Variants in HEXIM1 observed in about 807,000 individuals in gnomAD.
HEXIM1 encodes the protein HEXIM P-TEFb complex subunit 1.
HEXIM1 carries 1 observed loss-of-function variant against 30.3 expected under a neutral mutation model. The observed-to-expected ratio is 0.03, with a 90% CI of 0.01 to 0.16. The LOEUF is 0.16. Among genes scored for constraint, HEXIM1 ranks in the 10% least tolerant of loss-of-function variants. The pLI is 1.00. For synonymous variants in HEXIM1, 245 were observed against 208.3 expected, an observed-to-expected ratio of 1.18 and a Z score of -1.52; for missense variants, 391 against 476.4, an observed-to-expected ratio of 0.82 and a Z score of 1.67.
chr17:45,149,889 C>G lies in HEXIM1; in HGVS notation c.699C>G (p.Ser233=), dbSNP rs2055534227. 1.2e-6 allele frequency: 2 copies of G among 1,613,656 alleles called. No individual in the cohort carries two copies. Among genetic ancestry groups the G allele is most frequent in the East Asian group, 4.5e-5 (2 of 44,874 alleles). The change falls in exon 1 of 1, where the codon TCC becomes TCG. Residue 233 remains serine, a synonymous_variant. Transcript: ENST00000332499. This position sits in a 1 kb window ranked among gnomAD's most constrained non-coding sequence, Gnocchi z 5.3. ...ACTCCAAGCGGGCCGCCGCCAAATC[C>G]GACGACACCAGCGATGACGACTTCA... ...GLYSKRAAAK[S]DDTSDDDFME... is the part of the protein sequence containing the mutation.
rs146567854 is a variant in HEXIM1, at chr17:45,149,796, C to G, written c.606C>G (p.Pro202=). Residue 202 remains proline, a synonymous_variant, in exon 1 of 1, where the codon CCC becomes CCG. Transcript: ENST00000332499. This position sits in a 1 kb window ranked among gnomAD's most constrained non-coding sequence, Gnocchi z 5.3. ...TCGCCAAGGGCCAGCCGGTCGCGCC[C>G]TATAACACCACGCAGTTCCTCATGG... ...EMFAKGQPVA[P]YNTTQFLMDD... 1.9e-4 allele frequency: 311 copies of G among 1,613,900 alleles called. No individual in the cohort carries two copies. The African/African-American group carries it at 3.6e-3, about 18-fold the overall frequency.
Position 45,149,255 on chromosome 17 carries a change from C to G in HEXIM1, c.65C>G (p.Ala22Gly). The G allele has an allele frequency of 6.2e-7, 1 of 1,613,906 alleles. No individual in the cohort carries two copies. The highest frequency in any genetic ancestry group is 2.2e-5 in the East Asian group (1 of 44,878). ...CAAACTAGCAACTGTACAGGTGCTG[C>G]TGCTGTCCAGGAAGAGCTGAACCCT... ...QPQTSNCTGAAAVQEELNPER... is the reference protein window; with the variant it reads ...QPQTSNCTGAGAVQEELNPER... Residue 22 changes from alanine (A) to glycine (G), a missense_variant, in exon 1 of 1, where the codon GCT becomes GGT. Ala to Gly is a moderately conservative substitution (Grantham distance 60). Around this residue, in one of 5 missense-constraint regions of HEXIM1, gnomAD observed 230 missense variants for 199.4 expected, o/e 1.15. Transcript: ENST00000332499. The surrounding 1 kb of genome is among the most constrained non-coding windows in gnomAD (Gnocchi z 5.3).
rs2055548010 is a variant in HEXIM1, at chr17:45,151,619, G to A, written c.*1349G>A. ...GTTAACCCAGTCCTTCACCTGCCCT[G>A]TGTCAGTGTCTTCTGAGGGCAATTG... On this transcript the variant is annotated 3_prime_UTR_variant, in exon 1 of 1. Transcript: ENST00000332499. The A allele has an allele frequency of 6.0e-6, 1 of 167,112 alleles. No individual in the cohort carries two copies. The highest frequency in any genetic ancestry group is 2.4e-5 in the African/African-American group (1 of 41,458). 10.4% of individuals were successfully genotyped at this position (167,112 alleles called of 1,614,324 possible).
At position 45,149,943 on chromosome 17, in the gene HEXIM1, C is replaced by G. The variant is rs752095784; in HGVS notation, c.753C>G (p.Gly251=). The G allele has an allele frequency of 3.1e-6, 5 of 1,613,690 alleles. No individual in the cohort carries two copies. In the African/African-American group the frequency reaches 5.3e-5, roughly 17 times the overall value. The change falls in exon 1 of 1, where the codon GGC becomes GGG. Residue 251 remains glycine, a synonymous_variant. Transcript: ENST00000332499. The surrounding 1 kb of genome is among the most constrained non-coding windows in gnomAD (Gnocchi z 5.3). ...FMEEGGEEDG[G]SDGMGGDGSE... Reference sequence around the variant, plus strand: ...AAGAAGGGGGTGAGGAGGATGGGGGCAGCGATGGGATGGGAGGGGACGGCA... The same window carrying G: ...AAGAAGGGGGTGAGGAGGATGGGGGGAGCGATGGGATGGGAGGGGACGGCA...
In HEXIM1 at chr17:45,150,929, TAAAC is replaced by T. The variant is rs537120638; in HGVS notation, c.*664_*667del. Reference sequence around the variant, plus strand: ...GTTTTCTTTCTTGATGCTGGAAAAATAAACAAACCGGTATTGAGTGTTTAGGCGA... The same window carrying T: ...GTTTTCTTTCTTGATGCTGGAAAAATAAACCGGTATTGAGTGTTTAGGCGA... On this transcript the variant is annotated 3_prime_UTR_variant, in exon 1 of 1. Coordinates refer to ENST00000332499, the MANE Select transcript of HEXIM1 (RefSeq NM_006460.3). 143 of 167,108 alleles carry T rather than the reference TAAAC, an allele frequency of 8.6e-4. No individual in the cohort carries two copies. The highest frequency in any genetic ancestry group is 6.8e-3 in the Middle Eastern group (2 of 296). 10.4% of individuals were successfully genotyped at this position (167,108 alleles called of 1,614,324 possible).
chr17:45,150,184 C>G lies in HEXIM1; in HGVS notation c.994C>G (p.Leu332Val), dbSNP rs1181994252. The change falls in exon 1 of 1, where the codon CTG (leucine) becomes GTG (valine). Residue 332 changes from leucine (L) to valine (V), a missense_variant. Leu to Val is a conservative substitution (Grantham distance 32, BLOSUM62 1). This residue lies in a region of HEXIM1 where 73 missense variants were observed against 80.9 expected (regional missense o/e 0.90). Coordinates refer to ENST00000332499, the MANE Select transcript of HEXIM1 (RefSeq NM_006460.3). ...GGAGCTGGAGCTGGAGCTGGACCGGCTGCGCGCCGAGAACCTCCAGCTGCT... is the reference window on the plus strand; with the variant it reads ...GGAGCTGGAGCTGGAGCTGGACCGGGTGCGCGCCGAGAACCTCCAGCTGCT... ...VRELELELDR[L>V]RAENLQLLTE... The G allele has an allele frequency of 6.2e-7, 1 of 1,613,078 alleles. No individual in the cohort carries two copies. The highest frequency in any genetic ancestry group is 8.5e-7 in the Non-Finnish European group (1 of 1,179,830).
chr17:45,149,692 T>G lies in HEXIM1; in HGVS notation c.502T>G (p.Tyr168Asp). The G allele has an allele frequency of 6.2e-7, 1 of 1,612,572 alleles. No homozygotes were observed. The highest frequency in any genetic ancestry group is 8.5e-7 in the Non-Finnish European group (1 of 1,179,968). The change falls in exon 1 of 1, where the codon TAC becomes GAC. Residue 168 changes from tyrosine to aspartate, a missense_variant. Physicochemically the swap from Tyr to Asp is radical, Grantham distance 160. Coordinates refer to ENST00000332499, the MANE Select transcript of HEXIM1 (RefSeq NM_006460.3). This position sits in a 1 kb window ranked among gnomAD's most constrained non-coding sequence, Gnocchi z 5.3. ...GAAGAAGCGGCATTGGAAACCGTAC[T>G]ACAAGCTGACCTGGGAAGAGAAGAA... is the stretch of plus-strand genomic sequence containing the variant. ...SKKKRHWKPY[Y>D]KLTWEEKKKF... is the part of the protein sequence containing the mutation.
chr17:45,150,148 G>C lies in HEXIM1; in HGVS notation c.958G>C (p.Ala320Pro), dbSNP rs749545313. The change falls in exon 1 of 1, where the codon GCG (alanine) becomes CCG (proline). Residue 320 changes from alanine to proline, a missense_variant. Ala to Pro is a conservative substitution (Grantham distance 27). Coordinates refer to ENST00000332499, the MANE Select transcript of HEXIM1 (RefSeq NM_006460.3). Reference sequence around the variant, plus strand: ...GAGCAAGCGGCTGGGTGGCGACGACGCGCGTGTGCGGGAGCTGGAGCTGGA... The same window carrying C: ...GAGCAAGCGGCTGGGTGGCGACGACCCGCGTGTGCGGGAGCTGGAGCTGGA... ...LESKRLGGDD[A>P]RVRELELELD... 6.2e-7 allele frequency: 1 copy of C among 1,613,528 alleles called. No individual in the cohort carries two copies. Among genetic ancestry groups the C allele is most frequent in the Non-Finnish European group, 8.5e-7 (1 of 1,180,038 alleles).
rs1482670720 is a variant in HEXIM1 at position 45,149,598 on chromosome 17, G to A, written c.408G>A (p.Gly136=). 12 of 1,612,072 alleles carry A rather than the reference G, an allele frequency of 7.4e-6. No individual in the cohort carries two copies. The Middle Eastern group carries it at 6.6e-4, about 89-fold the overall frequency. The change falls in exon 1 of 1, where the codon GGG becomes GGA. Residue 136 remains glycine, a synonymous_variant. Transcript: ENST00000332499. The surrounding 1 kb of genome is among the most constrained non-coding windows in gnomAD (Gnocchi z 5.3). ...EASKLGAPAA[G]GEEEWGQQQR... is the part of the protein sequence containing the mutation. Reference sequence around the variant, plus strand: ...GTAAGTTGGGGGCTCCTGCCGCAGGGGGCGAAGAGGAGTGGGGACAGCAGC... The same window carrying A: ...GTAAGTTGGGGGCTCCTGCCGCAGGAGGCGAAGAGGAGTGGGGACAGCAGC...
rs1410378101 is a variant in HEXIM1, at chr17:45,151,160, G to A, written c.*890G>A. ...GAAGAGGCTCTTGGCAAACTTCTTA[G>A]TGCAAGCAATGGTTAGATTAATTTG... On this transcript the variant is annotated 3_prime_UTR_variant, in exon 1 of 1. Coordinates refer to ENST00000332499, the MANE Select transcript of HEXIM1 (RefSeq NM_006460.3). 6.0e-6 allele frequency: 1 copy of A among 167,010 alleles called. No homozygotes were observed. The highest frequency in any genetic ancestry group is 1.9e-4 in the East Asian group (1 of 5,196). The allele number at this position is 167,010 out of a possible 1,614,324, so 10.3% of individuals were successfully genotyped here.
In HEXIM1 at chr17:45,149,532, G is replaced by A. The variant is rs1184169051; in HGVS notation, c.342G>A (p.Glu114=). 2 of 1,607,030 alleles carry A rather than the reference G, an allele frequency of 1.2e-6. No individual in the cohort carries two copies. The highest frequency in any genetic ancestry group is 8.5e-7 in the Non-Finnish European group (1 of 1,177,296). The part of the protein sequence containing the change: ...PPPAEVEPTP[E]AELLAQPCHD... ...CGGCAGAAGTGGAACCGACGCCCGA[G>A]GCCGAGCTGCTCGCCCAGCCTTGTC... is the stretch of plus-strand genomic sequence containing the variant. Residue 114 remains glutamate (E), a synonymous_variant, in exon 1 of 1, where the codon GAG becomes GAA. Coordinates refer to ENST00000332499, the MANE Select transcript of HEXIM1 (RefSeq NM_006460.3). The surrounding 1 kb of genome is among the most constrained non-coding windows in gnomAD (Gnocchi z 5.3).
chr17:45,149,044 C>T lies in HEXIM1; in HGVS notation c.-147C>T, dbSNP rs1192689143. 2.5e-6 allele frequency: 2 copies of T among 796,770 alleles called. No individual in the cohort carries two copies. The highest frequency in any genetic ancestry group is 3.9e-6 in the Non-Finnish European group (2 of 514,882). The allele number at this position is 796,770 out of a possible 1,614,324, so 49.4% of individuals were successfully genotyped here. A position where few individuals can be genotyped will look rare whatever the true frequency, so the allele number is the denominator to read the frequency against. ...TGGAGTTTGCTGATAGAAGGACTAG[C>T]TAAAGGCGTCACTGCAGGAATTACA... On this transcript the variant is annotated 5_prime_UTR_variant, in exon 1 of 1. Transcript: ENST00000332499. The surrounding 1 kb of genome is among the most constrained non-coding windows in gnomAD (Gnocchi z 5.3).
Position 45,150,275 on chromosome 17 carries a change from A to T in HEXIM1, c.*5A>T, listed in dbSNP as rs777536127. ...CTTTCCAAGTTTGGAGACTAGACTG[A>T]AACTTTTTTGGGGGAGGGGGCAAAG... On this transcript the variant is annotated 3_prime_UTR_variant, in exon 1 of 1. Transcript: ENST00000332499. 6.2e-6 allele frequency: 10 copies of T among 1,604,508 alleles called. No homozygotes were observed. In the South Asian group the frequency reaches 7.7e-5, roughly 12 times the overall value.
In HEXIM1 at chr17:45,150,349, AGACAG is replaced by A; in HGVS notation, c.*80_*84del. The A allele has an allele frequency of 1.3e-6, 2 of 1,496,766 alleles. No homozygotes were observed. The highest frequency in any genetic ancestry group is 1.8e-6 in the Non-Finnish European group (2 of 1,109,866). 92.7% of individuals were successfully genotyped at this position (1,496,766 alleles called of 1,614,324 possible). A position where few individuals can be genotyped will look rare whatever the true frequency, so the allele number is the denominator to read the frequency against. On this transcript the variant is annotated 3_prime_UTR_variant, in exon 1 of 1. Coordinates refer to ENST00000332499, the MANE Select transcript of HEXIM1 (RefSeq NM_006460.3). ...GTAACATTATATACATGTGTATATA[AGACAG>A]TGGACCTTTTTATGACACATAATCA...
rs993729903 is a variant in HEXIM1 at position 45,148,619 on chromosome 17, CAAAGGGGAGAT to C, written c.-571_-561del. The C allele has an allele frequency of 7.5e-5, 30 of 399,194 alleles. No homozygotes were observed. Among genetic ancestry groups the C allele is most frequent in the Non-Finnish European group, 1.1e-4 (26 of 226,448 alleles). 24.7% of individuals were successfully genotyped at this position (399,194 alleles called of 1,614,324 possible). On this transcript the variant is annotated 5_prime_UTR_variant, in exon 1 of 1. It removes an upstream start codon present in the reference 5' UTR. Transcript: ENST00000332499. ...AACTGAGCAGAGCAGAGCATCGAGC[CAAAGGGGAGAT>C]GAGTTTGTCTGTCCTCTGCTGAGGC... is the stretch of plus-strand genomic sequence containing the variant.
rs1196784315 is a variant in HEXIM1, at chr17:45,150,189, C to T, written c.999C>T (p.Arg333=). 6.2e-7 allele frequency: 1 copy of T among 1,612,976 alleles called. No individual in the cohort carries two copies. The change falls in exon 1 of 1, where the codon CGC becomes CGT. Residue 333 remains arginine, a synonymous_variant. Coordinates refer to ENST00000332499, the MANE Select transcript of HEXIM1 (RefSeq NM_006460.3). The part of the protein sequence containing the change: ...RELELELDRL[R]AENLQLLTEN... Reference sequence around the variant, plus strand: ...TGGAGCTGGAGCTGGACCGGCTGCGCGCCGAGAACCTCCAGCTGCTGACCG... The same window carrying T: ...TGGAGCTGGAGCTGGACCGGCTGCGTGCCGAGAACCTCCAGCTGCTGACCG...
Position 45,150,395 on chromosome 17 carries a change from T to G in HEXIM1, c.*125T>G. The G allele has an allele frequency of 9.4e-7, 1 of 1,064,990 alleles. No homozygotes were observed. Among genetic ancestry groups the G allele is most frequent in the Non-Finnish European group, 1.2e-6 (1 of 808,464 alleles). The allele number at this position is 1,064,990 out of a possible 1,614,324, so 66.0% of individuals were successfully genotyped here. On this transcript the variant is annotated 3_prime_UTR_variant, in exon 1 of 1. Transcript: ENST00000332499. ...CACATAATCAGAAGAGAAATCCCCC[T>G]GGCTTTGGTTTCGTAAATTTAGCTA...
In HEXIM1 at chr17:45,149,102, TTTC is replaced by T. The variant is rs903936584; in HGVS notation, c.-86_-84del. ...GAGGACTCTGTTGGACTGTTTTTTT[TTTC>T]TTTTTCTTTTTTTTAAGAAAAACCC... On this transcript the variant is annotated 5_prime_UTR_variant, in exon 1 of 1. Transcript: ENST00000332499. The surrounding 1 kb of genome is among the most constrained non-coding windows in gnomAD (Gnocchi z 5.3). 4 of 1,282,852 alleles carry T rather than the reference TTTC, an allele frequency of 3.1e-6. No homozygotes were observed. In the South Asian group the frequency reaches 5.8e-5, roughly 19 times the overall value. 79.5% of individuals were successfully genotyped at this position (1,282,852 alleles called of 1,614,324 possible).
rs1028875778 is a variant in HEXIM1 at position 45,149,751 on chromosome 17, A to G, written c.561A>G (p.Ser187=). The change falls in exon 1 of 1, where the codon TCA becomes TCG. Residue 187 remains serine, a synonymous_variant. Coordinates refer to ENST00000332499, the MANE Select transcript of HEXIM1 (RefSeq NM_006460.3). The surrounding 1 kb of genome is among the most constrained non-coding windows in gnomAD (Gnocchi z 5.3). The part of the protein sequence containing the change: ...KFDEKQSLRA[S]RIRAEMFAKG... ...ACGAGAAACAGAGCCTTCGAGCTTC[A>G]AGGATCCGAGCCGAGATGTTCGCCA... The G allele has an allele frequency of 4.3e-6, 7 of 1,613,806 alleles. No individual in the cohort carries two copies. Among genetic ancestry groups the G allele is most frequent in the South Asian group, 1.1e-5 (1 of 91,082 alleles).
Sources: allele counts gnomAD v4.1 joint callset, GRCh38; gene constraint gnomAD v4.1.1; regional missense constraint gnomAD v4.1.1; non-coding constraint Gnocchi (gnomAD v3.1); transcripts MANE v1.5; gene names NCBI Gene and HGNC (gene_info 2026-07-23, HGNC 2026-07-21).